The following TRPM3 variants were observed in gnomAD, a reference collection of about 807,000 sequenced individuals.
The protein encoded by TRPM3 is long transient receptor potential channel 3.
A neutral mutation model predicts 181.2 loss-of-function variants in TRPM3; 77 were observed. The observed-to-expected ratio is 0.42, with a 90% CI of 0.35 to 0.51. The LOEUF is 0.51. TRPM3 is among the 20% of genes least tolerant of loss of function. The probability of loss-of-function intolerance (pLI) is 0.01; values close to 1 mark genes in which losing one functional copy is unlikely to be tolerated. For missense variants in TRPM3, 1,759 were observed against 2,196.7 expected, an observed-to-expected ratio of 0.80 and a Z score of 3.98; for synonymous variants, 745 against 796.4, an observed-to-expected ratio of 0.94 and a Z score of 1.09.
chr9:71,188,091 T>C (rs1383139433), intron 1 of TRPM3, among the ~76,000 whole-genome samples: 5 of 151,956 alleles, frequency 3.3e-5, no homozygotes, highest in Non-Finnish European at 5.9e-5. Flanking sequence ...CTTGCACACC[T>C]TCCTGTGGGC....
chr9:70,599,457 C>T (rs893927605), intron 20 of TRPM3, among the ~76,000 whole-genome samples: 2 of 152,166 alleles, frequency 1.3e-5, no homozygotes, highest in Non-Finnish European at 2.9e-5. Flanking sequence ...TATGCTTAAG[C>T]TTTCTGATGA....
chr9:71,211,823 T>G (rs190596345), intron 1 of TRPM3, among the ~76,000 whole-genome samples: 22 of 152,312 alleles, frequency 1.4e-4, no homozygotes, highest in African/African-American at 4.8e-4. Flanking sequence ...ACTCATTATA[T>G]CTGCAATGAT....
At chr9:70,894,081 A>G (rs1398341374) in intron 1 of TRPM3, among the ~76,000 whole-genome samples, 1 of 152,208 alleles carries the variant, frequency 6.6e-6, no homozygotes, top group Admixed American at 6.5e-5. Context: ...GAAAGCATAT[A>G]TAATAGAATG....
At chr9:71,346,289 A>C (rs78947968) in intron 1 of TRPM3, among the ~76,000 whole-genome samples, 1 of 152,126 alleles carries the variant, frequency 6.6e-6, no homozygotes, top group South Asian at 2.1e-4. Context: ...AAATTGTTTA[A>C]TTTGCATGCA....
At chr9:71,247,584 C>T (rs1405945166) in intron 1 of TRPM3, among the ~76,000 whole-genome samples, 10 of 151,896 alleles carry the variant, frequency 6.6e-5, no homozygotes, top group South Asian at 6.2e-4. Context: ...AAGAGGTATT[C>T]CATCCTCAGA....
Position 70,535,269 on chromosome 9 carries a change from T to G in TRPM3, c.*684A>C. 1 of 798,072 alleles carries G rather than the reference T, an allele frequency of 1.3e-6. No homozygotes were observed. Among genetic ancestry groups the G allele is most frequent in the Non-Finnish European group, 1.9e-6 (1 of 518,048 alleles). The allele number at this position is 798,072 out of a possible 1,614,324, so 49.4% of individuals were successfully genotyped here. A position where few individuals can be genotyped will look rare whatever the true frequency, so the allele number is the denominator to read the frequency against. On this transcript the variant is annotated 3_prime_UTR_variant, in exon 26 of 26. Transcript: ENST00000677713. ...ACAAAAAGGCATTTCTGTTCCCTTA[T>G]TTTCTTCAAAAAAGGATAAACAGTT... is the stretch of plus-strand genomic sequence containing the variant.
chr9:71,021,219 G>T (rs2097844446), intron 1 of TRPM3, among the ~76,000 whole-genome samples: 2 of 152,150 alleles, frequency 1.3e-5, no homozygotes, highest in South Asian at 4.1e-4. Flanking sequence ...GTGACCTTTG[G>T]GAAAGAACAA....
intron 1 of TRPM3, among the ~76,000 whole-genome samples, chr9:71,290,946 T>C (rs1048465127): frequency 2.0e-5 from 3 of 151,926 alleles, no homozygotes; most frequent in Non-Finnish European, 2.9e-5. Context: ...ATATTAGAAA[T>C]GAAGACAGAT....
At chr9:71,379,065 A>G (rs1283892000) in intron 1 of TRPM3, among the ~76,000 whole-genome samples, 1 of 152,066 alleles carries the variant, frequency 6.6e-6, no homozygotes, top group East Asian at 1.9e-4. Context: ...GGCATTGCAG[A>G]AATTTATAAC....
intron 1 of TRPM3, among the ~76,000 whole-genome samples, chr9:70,937,427 G>C (rs748368651): frequency 2.0e-5 from 3 of 152,126 alleles, no homozygotes; most frequent in Non-Finnish European, 4.4e-5. Flanking sequence ...ACATTGGAAA[G>C]CAGTAACTCT....
intron 1 of TRPM3, among the ~76,000 whole-genome samples, chr9:71,316,043 T>C (rs1028110198): frequency 5.3e-5 from 8 of 152,168 alleles, no homozygotes; most frequent in Non-Finnish European, 1.0e-4. Flanking sequence ...CTGTTTGCTA[T>C]AGAACTTCAA....
chr9:70,699,191 C>G (rs2071590749), intron 8 of TRPM3, among the ~76,000 whole-genome samples: 1 of 152,010 alleles, frequency 6.6e-6, no homozygotes, highest in South Asian at 2.1e-4. Flanking sequence ...TCACCAAAAT[C>G]AAGAAGCTGT....
At chr9:71,154,325 A>G (rs1404585277) in intron 1 of TRPM3, among the ~76,000 whole-genome samples, 1 of 152,110 alleles carries the variant, frequency 6.6e-6, no homozygotes, top group Non-Finnish European at 1.5e-5. Context: ...ACATCACTCA[A>G]CCATTCATTA....
intron 1 of TRPM3, among the ~76,000 whole-genome samples, chr9:71,431,176 T>G (rs984099463): frequency 1.3e-5 from 2 of 151,464 alleles, no homozygotes; most frequent in Non-Finnish European, 2.9e-5. Flanking sequence ...AGTAGATATC[T>G]CACACACACA....
chr9:70,864,159 T>A (rs916215021), intron 2 of TRPM3, among the ~76,000 whole-genome samples: 3 of 151,940 alleles, frequency 2.0e-5, no homozygotes, highest in African/African-American at 7.2e-5. Context: ...CCAATAACCA[T>A]AACAAAAAAC....
intron 1 of TRPM3, among the ~76,000 whole-genome samples, chr9:71,193,351 C>G (rs1012211013): frequency 6.6e-6 from 1 of 151,730 alleles, no homozygotes; most frequent in Admixed American, 6.6e-5. Flanking sequence ...CAGTATTTGA[C>G]CCTGTTGTTC....
rs2042936096 is a variant in TRPM3, at chr9:70,540,217, A to G, written c.3708-2812T>C. Among the ~76,000 whole-genome samples, 4 of 152,332 alleles carry G rather than the reference A, an allele frequency of 2.6e-5. No homozygotes were observed. In the South Asian group the frequency reaches 8.3e-4, roughly 32 times the overall value. On this transcript the variant is annotated intron_variant, in intron 25 of 25. Coordinates refer to ENST00000677713, the MANE Select transcript of TRPM3 (RefSeq NM_001366145.2). Reference sequence around the variant, plus strand: ...AGATCATGCATTTCTGTAGCACGAGATGTTTTGCTTAACATACTTTAGGTA... The same window carrying G: ...AGATCATGCATTTCTGTAGCACGAGGTGTTTTGCTTAACATACTTTAGGTA...
intron 1 of TRPM3, among the ~76,000 whole-genome samples, chr9:71,381,375 G>C (rs1028633873): frequency 6.6e-6 from 1 of 152,066 alleles, no homozygotes; most frequent in African/African-American, 2.4e-5. Flanking sequence ...GGACCAACTA[G>C]TCTAATGGGA....
At chr9:70,541,670 C>T (rs1783535736) in intron 25 of TRPM3, among the ~76,000 whole-genome samples, 1 of 152,124 alleles carries the variant, frequency 6.6e-6, no homozygotes, top group African/African-American at 2.4e-5. Flanking sequence ...CATCACCATG[C>T]AAGGCTAATT....
Sources: gnomAD v4.1 joint callset for allele counts (sites outside exome capture counted in the v4.1 genomes callset) on GRCh38, gnomAD v4.1.1 for gene constraint, MANE v1.5 for transcripts, NCBI Gene and HGNC (gene_info 2026-07-23, HGNC 2026-07-21) for gene names.